KCNN3: variants seen among roughly 807,000 people sequenced by gnomAD.
KCNN3 encodes potassium calcium-activated channel subfamily N member 3.
A neutral mutation model predicts 62.9 loss-of-function variants in KCNN3; 16 were observed. That is an observed-to-expected ratio of 0.25 (90% CI 0.17 to 0.39). The LOEUF (loss-of-function observed/expected upper bound fraction) is 0.39, where lower values mean the gene tolerates loss of function less well. KCNN3 is among the 10% of genes least tolerant of loss of function. KCNN3 has a pLI of 1.00. For synonymous variants in KCNN3, 370 were observed against 389.2 expected, an observed-to-expected ratio of 0.95 and a Z score of 0.58; for missense variants, 599 against 949.4, an observed-to-expected ratio of 0.63 and a Z score of 4.85.
intron 1 of KCNN3, among the ~76,000 whole-genome samples, chr1:154,867,241 C>A (rs186357569): frequency 6.6e-6 from 1 of 152,252 alleles, no homozygotes; most frequent in Non-Finnish European, 1.5e-5. Flanking sequence ...GCAGGAGAGG[C>A]GGTTCTGAGA....
At chr1:154,738,618 G>A (rs953770820) in intron 3 of KCNN3, among the ~76,000 whole-genome samples, 1 of 152,196 alleles carries the variant, frequency 6.6e-6, no homozygotes, top group Non-Finnish European at 1.5e-5. Context: ...CAGGTGCGGA[G>A]GACAACCCGT....
intron 1 of KCNN3, among the ~76,000 whole-genome samples, chr1:154,824,856 C>G (rs145999727): frequency 3.3e-5 from 5 of 152,304 alleles, no homozygotes; most frequent in African/African-American, 1.2e-4. Flanking sequence ...CCACCTGCTT[C>G]TTGGTTTTGG....
intron 3 of KCNN3, among the ~76,000 whole-genome samples, chr1:154,758,791 G>GTTTTGT (rs60541887): frequency 0.098 from 14,589 of 148,330 alleles, 843 homozygotes; most frequent in East Asian, 0.21. Flanking sequence ...GGAGAACATC[G>GTTTTGT]TTTTGTTTTT....
At chr1:154,790,021 GC>G (rs758357742) in intron 2 of KCNN3, among the ~76,000 whole-genome samples, 2 of 152,136 alleles carry the variant, frequency 1.3e-5, no homozygotes, top group African/African-American at 2.4e-5. Context: ...CAATTCTCCT[GC>G]CTCAGCTTCC....
intron 1 of KCNN3, among the ~76,000 whole-genome samples, chr1:154,867,308 T>C (rs1314027765): frequency 6.6e-6 from 1 of 152,200 alleles, no homozygotes; most frequent in Non-Finnish European, 1.5e-5. Flanking sequence ...AATGACTAAG[T>C]GAGCTGCGCT....
At chr1:154,743,182 C>T (rs1341930151) in intron 3 of KCNN3, among the ~76,000 whole-genome samples, 2 of 151,604 alleles carry the variant, frequency 1.3e-5, no homozygotes, top group African/African-American at 2.4e-5. Flanking sequence ...ACCAGCCCCA[C>T]TCTCTTACCT....
chr1:154,742,906 C>T (rs1700855964), intron 3 of KCNN3, among the ~76,000 whole-genome samples: 2 of 152,204 alleles, frequency 1.3e-5, no homozygotes, highest in Admixed American at 1.3e-4. Flanking sequence ...GCAGCAGATG[C>T]TGCTGTGTAG....
At chr1:154,817,685 C>A (rs1037617900) in intron 2 of KCNN3, among the ~76,000 whole-genome samples, 1 of 152,170 alleles carries the variant, frequency 6.6e-6, no homozygotes, top group African/African-American at 2.4e-5. Flanking sequence ...ATTCTGCCTG[C>A]TAGCCTGCCT....
intron 3 of KCNN3, among the ~76,000 whole-genome samples, chr1:154,762,352 C>T (rs1648057190): frequency 6.6e-6 from 1 of 152,120 alleles, no homozygotes; most frequent in African/African-American, 2.4e-5. Context: ...AAAATTTTGT[C>T]AACTCCAGAG....
intron 1 of KCNN3, among the ~76,000 whole-genome samples, chr1:154,841,683 C>G (rs1278287094): frequency 2.0e-5 from 3 of 152,188 alleles, no homozygotes; most frequent in Non-Finnish European, 4.4e-5. Flanking sequence ...TTGTTCAGCT[C>G]TATCTACCAG....
At chr1:154,786,503 A>G (rs1436707225) in intron 2 of KCNN3, among the ~76,000 whole-genome samples, 1 of 152,242 alleles carries the variant, frequency 6.6e-6, no homozygotes, top group Non-Finnish European at 1.5e-5. Flanking sequence ...ATTGACTTAG[A>G]AAATGTTCAT....
At chr1:154,714,221 G>A (rs1270667802) in intron 6 of KCNN3, among the ~76,000 whole-genome samples, 990 of 135,434 alleles carry the variant, frequency 7.3e-3, no homozygotes, top group South Asian at 0.012. Flanking sequence ...GGTGTGCATG[G>A]TGTGTGTGGG....
intron 3 of KCNN3, among the ~76,000 whole-genome samples, chr1:154,766,078 C>G (rs1464183815): frequency 1.3e-5 from 2 of 150,778 alleles, no homozygotes; most frequent in Admixed American, 6.6e-5. Context: ...CCTGTCGCCT[C>G]CCCACCTTCC....
At chr1:154,812,836 C>T (rs1287690966) in intron 2 of KCNN3, among the ~76,000 whole-genome samples, 1 of 152,190 alleles carries the variant, frequency 6.6e-6, no homozygotes, top group Non-Finnish European at 1.5e-5. Flanking sequence ...TGTGACTGGG[C>T]AGAGGCAAGG....
chr1:154,838,944 C>T (rs12139030), intron 1 of KCNN3, among the ~76,000 whole-genome samples: 15,406 of 152,078 alleles, frequency 0.1, 838 homozygotes, highest in South Asian at 0.12. Context: ...TTGTTTCTCC[C>T]GAAGCTACTT....
chr1:154,780,576 T>TTA (rs1271587184), intron 2 of KCNN3, among the ~76,000 whole-genome samples: 2 of 86,050 alleles, frequency 2.3e-5, no homozygotes, highest in Admixed American at 1.3e-4. Flanking sequence ...GATATATTAT[T>TTA]TATATATATG....
intron 3 of KCNN3, among the ~76,000 whole-genome samples, chr1:154,770,554 A>G (rs1227911313): frequency 2.0e-5 from 3 of 152,180 alleles, no homozygotes; most frequent in Admixed American, 2.0e-4. Flanking sequence ...TGTAAATTAC[A>G]CAGGATGCTT....
At chr1:154,849,321 G>A (rs1030592477) in intron 1 of KCNN3, among the ~76,000 whole-genome samples, 3 of 152,380 alleles carry the variant, frequency 2.0e-5, no homozygotes, top group Admixed American at 1.3e-4. Context: ...GAGCAGGCCT[G>A]GGAGAACAGC....
chr1:154,818,596 T>C (rs1001026974), intron 2 of KCNN3, among the ~76,000 whole-genome samples: 2 of 152,182 alleles, frequency 1.3e-5, no homozygotes, highest in African/African-American at 4.8e-5. Flanking sequence ...CCCCATGCAG[T>C]GTTCAGTCCC....
Sources: allele counts gnomAD v4.1 joint callset (sites outside exome capture counted in the v4.1 genomes callset), GRCh38; gene constraint gnomAD v4.1.1; transcripts MANE v1.5; gene names NCBI Gene and HGNC (gene_info 2026-07-23, HGNC 2026-07-21).